MRPS33: variants seen among roughly 807,000 people sequenced by gnomAD.
MRPS33 encodes the protein small ribosomal subunit protein mS33.
A neutral mutation model predicts 11.2 loss-of-function variants in MRPS33; 11 were observed. The observed-to-expected ratio is 0.99, with a 90% CI of 0.62 to 1.63. The LOEUF is 1.63. Among genes scored for constraint, MRPS33 ranks in the 40% most tolerant of loss-of-function variants. The probability of loss-of-function intolerance (pLI) is 0.00; values close to 1 mark genes in which losing one functional copy is unlikely to be tolerated. For missense variants in MRPS33, 109 were observed against 127.8 expected (o/e 0.85, Z 0.71); for synonymous variants, 46 against 44.0 (o/e 1.05, Z -0.18).
rs143676198 is a variant in MRPS33 at position 141,004,132 on chromosome 7, C to T, written c.*2298G>A. 1 of 152,332 alleles carries T rather than the reference C, an allele frequency of 6.6e-6. No individual in the cohort carries two copies. The highest frequency in any genetic ancestry group is 1.9e-4 in the East Asian group (1 of 5,180). 9.4% of individuals were successfully genotyped at this position (152,332 alleles called of 1,614,324 possible). A position where few individuals can be genotyped will look rare whatever the true frequency, so the allele number is the denominator to read the frequency against. On this transcript the variant is annotated 3_prime_UTR_variant, in exon 3 of 3. Transcript: ENST00000324787. ...TGGCTAACACAGTGAGACACCTTCT[C>T]TACTAAAAATACAAAATATTAGCCG...
At chr7:141,012,173 C>CAAA (rs56343833) in intron 1 of MRPS33, among the ~76,000 whole-genome samples, 3 of 58,768 alleles carry the variant, frequency 5.1e-5, no homozygotes, top group African/African-American at 8.0e-5. Context: ...GATTGTGTGT[C>CAAA]AAAAAAAAAA....
chr7:141,009,043 C>T (rs1015614313), intron 2 of MRPS33, among the ~76,000 whole-genome samples: 6 of 151,556 alleles, frequency 4.0e-5, no homozygotes, highest in African/African-American at 1.5e-4. Flanking sequence ...GGTCTGCCCG[C>T]CTTGGCCTCT....
At chr7:141,009,133 GA>G (rs954694277) in intron 2 of MRPS33, among the ~76,000 whole-genome samples, 1 of 149,672 alleles carries the variant, frequency 6.7e-6, no homozygotes, top group African/African-American at 2.5e-5. Flanking sequence ...ACAGGTATTT[GA>G]TTTTTTTTTT....
At chr7:141,007,488 A>G (rs1001814706) in intron 2 of MRPS33, among the ~76,000 whole-genome samples, 2 of 152,164 alleles carry the variant, frequency 1.3e-5, no homozygotes, top group Non-Finnish European at 2.9e-5. Flanking sequence ...TAATTCTTCT[A>G]AAATATATGT....
intron 2 of MRPS33, among the ~76,000 whole-genome samples, chr7:141,009,194 T>C (rs1820611273): frequency 6.6e-6 from 1 of 150,936 alleles, no homozygotes; most frequent in Non-Finnish European, 1.5e-5. Flanking sequence ...TACAGTGGCA[T>C]GATCTTGACT....
chr7:141,007,652 T>C (rs1820566207), intron 2 of MRPS33, among the ~76,000 whole-genome samples: 1 of 152,078 alleles, frequency 6.6e-6, no homozygotes, highest in Non-Finnish European at 1.5e-5. Context: ...AAAGGAACAC[T>C]CCCACCTCAA....
chr7:141,005,698 T>C lies in MRPS33; in HGVS notation c.*732A>G, dbSNP rs1441614226. On this transcript the variant is annotated 3_prime_UTR_variant, in exon 3 of 3. Coordinates refer to ENST00000324787, the MANE Select transcript of MRPS33 (RefSeq NM_053035.3). The stretch of plus-strand genomic sequence containing the variant: ...CTTTCTTTAAACTCCCTAATGTGAT[T>C]TGGGCTTCTGGCTATCTCTCTCTGC... The C allele has an allele frequency of 1.3e-5, 2 of 152,244 alleles. No individual in the cohort carries two copies. Among genetic ancestry groups the C allele is most frequent in the Non-Finnish European group, 2.9e-5 (2 of 68,060 alleles). The allele number at this position is 152,244 out of a possible 1,614,324, so 9.4% of individuals were successfully genotyped here.
rs761076233 is a variant in MRPS33, at chr7:141,011,684, AG to A, written c.-27-1025del. Reference sequence around the variant, plus strand: ...GGGAAACAGTTCAGCTGAGATGAAAAGGTGCTGATATTCAAGCAGGAAAAAG... The same window carrying A: ...GGGAAACAGTTCAGCTGAGATGAAAAGTGCTGATATTCAAGCAGGAAAAAG... On this transcript the variant is annotated intron_variant, in intron 1 of 2. Coordinates refer to ENST00000324787, the MANE Select transcript of MRPS33 (RefSeq NM_053035.3). 2.0e-5 allele frequency among the ~76,000 whole-genome samples: 3 copies of A among 152,090 alleles called. No homozygotes were observed. The South Asian group carries it at 6.2e-4, about 32-fold the overall frequency.
rs1028150224 is a variant in MRPS33 at position 141,003,432 on chromosome 7, T to C, written c.*2998A>G. On this transcript the variant is annotated 3_prime_UTR_variant, in exon 3 of 3. Coordinates refer to ENST00000324787, the MANE Select transcript of MRPS33 (RefSeq NM_053035.3). ...CACAGCTTGCTCTATCAATTGAAGG[T>C]ATAGCTTATGTACAAATGTATTTTA... 2.6e-5 allele frequency: 4 copies of C among 152,248 alleles called. No individual in the cohort carries two copies. The highest frequency in any genetic ancestry group is 5.9e-5 in the Non-Finnish European group (4 of 68,044). The allele number at this position is 152,248 out of a possible 1,614,324, so 9.4% of individuals were successfully genotyped here.
chr7:141,011,681 A>G (rs1347087654), intron 1 of MRPS33, among the ~76,000 whole-genome samples: 1 of 152,086 alleles, frequency 6.6e-6, no homozygotes, highest in African/African-American at 2.4e-5. Context: ...AGCTGAGATG[A>G]AAAGGTGCTG....
intron 2 of MRPS33, among the ~76,000 whole-genome samples, chr7:141,009,060 G>A (rs752085638): frequency 9.9e-5 from 15 of 151,430 alleles, no homozygotes; most frequent in East Asian, 9.7e-4. Flanking sequence ...CTCTCAAAGC[G>A]CTGGGATTAC....
intron 2 of MRPS33, among the ~76,000 whole-genome samples, 198 bp from the exon 3 acceptor site, chr7:141,006,733 T>A (rs1391299505): frequency 6.6e-6 from 1 of 152,156 alleles, no homozygotes; most frequent in Non-Finnish European, 1.5e-5. Context: ...AAAGTTCACT[T>A]GTAAGTCCGT....
At chr7:141,010,723 A>G (rs1339089889) in intron 1 of MRPS33, 63 bp from the exon 2 acceptor site, 3 of 1,259,908 alleles carry the variant, frequency 2.4e-6, no homozygotes, top group East Asian at 2.3e-5. Context: ...TAGCTAATGA[A>G]TAAGTTAGAA....
At chr7:141,011,785 C>CA (rs2129165024) in intron 1 of MRPS33, among the ~76,000 whole-genome samples, 1 of 152,044 alleles carries the variant, frequency 6.6e-6, no homozygotes, top group Admixed American at 6.6e-5. Context: ...AAGTGAATTT[C>CA]AAAATAGTTC....
chr7:141,010,290 C>T (rs1180038169), intron 2 of MRPS33, 129 bp downstream of exon 2: 3 of 814,926 alleles, frequency 3.7e-6, no homozygotes, highest in East Asian at 5.3e-5. Context: ...CTCCTGCCAA[C>T]TGTACCTTTT....
Position 141,004,002 on chromosome 7 carries a change from G to A in MRPS33, c.*2428C>T, listed in dbSNP as rs1586726630. On this transcript the variant is annotated 3_prime_UTR_variant, in exon 3 of 3. Coordinates refer to ENST00000324787, the MANE Select transcript of MRPS33 (RefSeq NM_053035.3). ...GTGTCGAGCACATGGCAGGTGCTCAGTAAAAAGTTCTAAATGGGCTGGGTG... is the reference window on the plus strand; with the variant it reads ...GTGTCGAGCACATGGCAGGTGCTCAATAAAAAGTTCTAAATGGGCTGGGTG... 7 of 152,362 alleles carry A rather than the reference G, an allele frequency of 4.6e-5. 1 individual carries two copies. Among genetic ancestry groups the A allele is most frequent in the Admixed American group, 4.6e-4 (7 of 15,294 alleles). The allele number at this position is 152,362 out of a possible 1,614,324, so 9.4% of individuals were successfully genotyped here.
At chr7:141,010,879 C>T (rs1820660279) in intron 1 of MRPS33, among the ~76,000 whole-genome samples, 1 of 152,204 alleles carries the variant, frequency 6.6e-6, no homozygotes, top group Non-Finnish European at 1.5e-5. Flanking sequence ...CATGCTATTA[C>T]TTCCTTGCTG....
At chr7:141,009,558 C>T (rs1820621633) in intron 2 of MRPS33, 1 of 152,072 alleles carries the variant, frequency 6.6e-6, no homozygotes, top group Admixed American at 6.5e-5. Context: ...AGGCAAACTA[C>T]AGCTTATCTA....
chr7:141,013,340 A>G (rs1221409817), intron 1 of MRPS33, among the ~76,000 whole-genome samples: 1 of 152,234 alleles, frequency 6.6e-6, no homozygotes, highest in Non-Finnish European at 1.5e-5. Context: ...AAAAGGTCAC[A>G]CTAGAATAGG....
Sources: allele counts gnomAD v4.1 joint callset (sites outside exome capture counted in the v4.1 genomes callset), GRCh38; gene constraint gnomAD v4.1.1; transcripts MANE v1.5; gene names NCBI Gene and HGNC (gene_info 2026-07-23, HGNC 2026-07-21).